Variants in CAMSAP2 observed in about 807,000 individuals in gnomAD.
CAMSAP2 encodes the protein calmodulin-regulated spectrin-associated protein 2.
CAMSAP2 carries 26 observed loss-of-function variants against 146.1 expected under a neutral mutation model. That is an observed-to-expected ratio of 0.18 (90% CI 0.13 to 0.25). The LOEUF (loss-of-function observed/expected upper bound fraction) is 0.25. CAMSAP2 is among the 10% of genes least tolerant of loss of function. CAMSAP2 has a pLI of 1.00. For missense variants in CAMSAP2, 1,381 were observed against 1,759.3 expected, an observed-to-expected ratio of 0.78 and a Z score of 3.85; for synonymous variants, 499 against 596.6, an observed-to-expected ratio of 0.84 and a Z score of 2.38.
intron 6 of CAMSAP2, among the ~76,000 whole-genome samples, chr1:200,835,850 C>CT (rs1667171642): frequency 6.6e-6 from 1 of 152,138 alleles, no homozygotes. Context: ...AAAAAACTGT[C>CT]TCACTAAATA....
At chr1:200,759,070 A>G (rs1664725533) in intron 1 of CAMSAP2, among the ~76,000 whole-genome samples, 1 of 152,128 alleles carries the variant, frequency 6.6e-6, no homozygotes, top group Admixed American at 6.6e-5. Context: ...TGTTTAAAAG[A>G]TGAATATTTC....
Position 200,853,007 on chromosome 1 carries a change from ACACACACAC to A in CAMSAP2, c.3603-267_3603-259del, listed in dbSNP as rs1667662460. 2.1e-4 allele frequency among the ~76,000 whole-genome samples: 11 copies of A among 51,808 alleles called. No homozygotes were observed. The South Asian group carries it at 5.0e-3, about 24-fold the overall frequency. The allele number at this position is 51,808 out of a possible 152,430, so 34.0% of individuals were successfully genotyped here. ...AATAACTTTCCTGGGAGATACACAC[ACACACACAC>A]ACACACACACACACGACCTAAATTA... On this transcript the variant is annotated intron_variant, in intron 12 of 16. Coordinates refer to ENST00000358823, the MANE Select transcript of CAMSAP2 (RefSeq NM_203459.4). The surrounding 1 kb of genome is among the most constrained non-coding windows in gnomAD (Gnocchi z 5.1).
intron 2 of CAMSAP2, among the ~76,000 whole-genome samples, chr1:200,774,994 A>C (rs1365887896): frequency 6.6e-6 from 1 of 152,222 alleles, no homozygotes; most frequent in African/African-American, 2.4e-5. Context: ...CTATTTTAGT[A>C]GTAAAGTTGA....
At chr1:200,840,231 C>T (rs1667288569) in intron 6 of CAMSAP2, among the ~76,000 whole-genome samples, 1 of 152,096 alleles carries the variant, frequency 6.6e-6, no homozygotes, top group South Asian at 2.1e-4. Context: ...CTATTAGTTG[C>T]TCGAGACAAA....
intron 1 of CAMSAP2, among the ~76,000 whole-genome samples, chr1:200,746,834 G>A (rs562153094): frequency 6.6e-6 from 1 of 152,012 alleles, no homozygotes; most frequent in African/African-American, 2.4e-5. Context: ...TAGCCAGGAT[G>A]GTCTTGATCT....
intron 3 of CAMSAP2, among the ~76,000 whole-genome samples, chr1:200,813,712 A>G (rs1289593596): frequency 1.3e-5 from 2 of 152,220 alleles, no homozygotes; most frequent in Admixed American, 1.3e-4. Flanking sequence ...GTATTTCCTC[A>G]GTGGGGAAAA....
chr1:200,753,528 G>A (rs1429942075), intron 1 of CAMSAP2, among the ~76,000 whole-genome samples: 1 of 152,062 alleles, frequency 6.6e-6, no homozygotes, highest in East Asian at 1.9e-4. Flanking sequence ...TGGTTCAAAT[G>A]ACTGGGACAA....
At chr1:200,829,919 G>T (rs1393784536) in intron 4 of CAMSAP2, among the ~76,000 whole-genome samples, 4 of 151,480 alleles carry the variant, frequency 2.6e-5, no homozygotes. Context: ...AGAGTGAGAC[G>T]CTATCTCCAA....
chr1:200,795,884 CATT>C (rs1353216289), intron 2 of CAMSAP2, among the ~76,000 whole-genome samples: 2 of 151,994 alleles, frequency 1.3e-5, no homozygotes, highest in African/African-American at 2.4e-5. Context: ...AAATCAGTAT[CATT>C]GTGCTGATAG....
In CAMSAP2 at chr1:200,760,930, G is replaced by C. The variant is rs370560460; in HGVS notation, c.231G>C (p.Ser77=). 1 of 1,613,894 alleles carries C rather than the reference G, an allele frequency of 6.2e-7. No homozygotes were observed. Among genetic ancestry groups the C allele is most frequent in the Admixed American group, 1.7e-5 (1 of 59,974 alleles). Residue 77 remains serine, a synonymous_variant, in exon 2 of 17, where the codon TCG becomes TCC. Coordinates refer to ENST00000358823, the MANE Select transcript of CAMSAP2 (RefSeq NM_203459.4). ...CACCTGTTGTTAATTTGCTTCTATC[G>C]GCTGAACTATACTGTCGTGCTGGGA... ...IKPPVVNLLL[S]AELYCRAGSL...
chr1:200,740,923 C>T (rs1227768139), intron 1 of CAMSAP2, among the ~76,000 whole-genome samples: 2 of 152,154 alleles, frequency 1.3e-5, no homozygotes, highest in Non-Finnish European at 2.9e-5. Context: ...TTTCTGTTCC[C>T]TAGTTAATGA....
At chr1:200,796,751 A>G (rs1665895167) in intron 2 of CAMSAP2, among the ~76,000 whole-genome samples, 1 of 151,148 alleles carries the variant, frequency 6.6e-6, no homozygotes, top group Non-Finnish European at 1.5e-5. Flanking sequence ...TACATGTGCC[A>G]TGCTGGTGCA....
At chr1:200,833,525 A>C (rs1021519168) in intron 6 of CAMSAP2, among the ~76,000 whole-genome samples, 39 of 152,048 alleles carry the variant, frequency 2.6e-4, no homozygotes, top group African/African-American at 9.2e-4. Context: ...GCGCCACTGC[A>C]CCCTAGCCTG....
chr1:200,842,150 C>G, intron 7 of CAMSAP2, 63 bp downstream of exon 7: 1 of 1,185,230 alleles, frequency 8.4e-7, no homozygotes, highest in Non-Finnish European at 1.2e-6. Flanking sequence ...GTTGATATAA[C>G]CTTACCTGGT....
At chr1:200,807,001 G>C (rs1228041505) in intron 2 of CAMSAP2, among the ~76,000 whole-genome samples, 1 of 152,098 alleles carries the variant, frequency 6.6e-6, no homozygotes, top group Non-Finnish European at 1.5e-5. Flanking sequence ...GAAAGATAGA[G>C]AATCTATAAA....
intron 4 of CAMSAP2, among the ~76,000 whole-genome samples, chr1:200,826,596 G>A (rs1666913060): frequency 6.6e-6 from 1 of 152,112 alleles, no homozygotes; most frequent in South Asian, 2.1e-4. Flanking sequence ...AAGTAGTTCA[G>A]GAATTATCCT....
At chr1:200,800,285 T>C (rs1571768352) in intron 2 of CAMSAP2, among the ~76,000 whole-genome samples, 1 of 152,122 alleles carries the variant, frequency 6.6e-6, no homozygotes, top group Non-Finnish European at 1.5e-5. Context: ...CCCACTATTA[T>C]TGTGTGGGAG....
At chr1:200,751,796 GAC>G (rs1490687371) in intron 1 of CAMSAP2, among the ~76,000 whole-genome samples, 1 of 152,166 alleles carries the variant, frequency 6.6e-6, no homozygotes, top group African/African-American at 2.4e-5. Flanking sequence ...AAGATGGAGA[GAC>G]ACAGAGGTGT....
rs1667841519 is a variant in CAMSAP2 at position 200,860,077 on chromosome 1, GTTGAA to G, written c.*2025_*2029del. The G allele has an allele frequency of 6.6e-6, 1 of 152,668 alleles. No individual in the cohort carries two copies. The highest frequency in any genetic ancestry group is 1.5e-5 in the Non-Finnish European group (1 of 67,980). The allele number at this position is 152,668 out of a possible 1,614,324, so 9.5% of individuals were successfully genotyped here. On this transcript the variant is annotated 3_prime_UTR_variant, in exon 17 of 17. Transcript: ENST00000358823. ...TTCTTAAATTTGTGTGTGTCCAACA[GTTGAA>G]TTGAATGTCTATAAGGTCTAAAGGT...
Sources: allele counts gnomAD v4.1 joint callset (sites outside exome capture counted in the v4.1 genomes callset), GRCh38; gene constraint gnomAD v4.1.1; non-coding constraint Gnocchi (gnomAD v3.1); transcripts MANE v1.5; gene names NCBI Gene and HGNC (gene_info 2026-07-23, HGNC 2026-07-21).